SLCO2B1: variants seen among roughly 807,000 people sequenced by gnomAD.
SLCO2B1 encodes the protein OATP-RP2.
A neutral mutation model predicts 67.3 loss-of-function variants in SLCO2B1; 41 were observed. The ratio of observed to expected loss-of-function variants is 0.61; its 90% CI spans 0.47 to 0.79. The LOEUF (loss-of-function observed/expected upper bound fraction) is 0.79. Ranked by LOEUF, SLCO2B1 falls within the 30% of genes least tolerant of loss-of-function variation. The probability of loss-of-function intolerance (pLI) is 0.00; values close to 1 mark genes in which losing one functional copy is unlikely to be tolerated. For synonymous variants in SLCO2B1, 379 were observed against 381.4 expected (o/e 0.99, Z 0.07); for missense variants, 837 against 920.1 (o/e 0.91, Z 1.17).
At chr11:75,197,107 A>T (rs1945112140) in intron 10 of SLCO2B1, among the ~76,000 whole-genome samples, 1 of 152,028 alleles carries the variant, frequency 6.6e-6, no homozygotes, top group Non-Finnish European at 1.5e-5. Flanking sequence ...CAAGAGTGAA[A>T]CTCCATCTCA....
rs142840122 is a variant in SLCO2B1, at chr11:75,188,016, G to A, written c.973-120G>A. ...AACACTGCAGGCCTCAATTGCTCCT[G>A]AAGAGATGACAGGGCTCTCACCCTC... On this transcript the variant is annotated intron_variant, in intron 7 of 13. Coordinates refer to ENST00000289575, the MANE Select transcript of SLCO2B1 (RefSeq NM_007256.5). 2.3e-5 allele frequency: 15 copies of A among 642,162 alleles called. No homozygotes were observed. The East Asian group carries it at 4.1e-4, about 18-fold the overall frequency. 39.8% of individuals were successfully genotyped at this position (642,162 alleles called of 1,614,324 possible).
intron 1 of SLCO2B1, chr11:75,151,838 C>T (rs2712809): frequency 0.48 from 84,317 of 173,896 alleles, 23,133 homozygotes; most frequent in Non-Finnish European, 0.62. Context: ...CAGGTATCAG[C>T]GAGAGAATGC....
intron 8 of SLCO2B1, among the ~76,000 whole-genome samples, chr11:75,189,776 G>A (rs1376205651): frequency 1.3e-5 from 2 of 151,938 alleles, no homozygotes; most frequent in Non-Finnish European, 2.9e-5. Flanking sequence ...AGGAGACCCT[G>A]CCTCTAAAAA....
At position 75,175,996 on chromosome 11, in the gene SLCO2B1, G is replaced by A. The variant is rs960396695; in HGVS notation, c.972+3427G>A. On this transcript the variant is annotated intron_variant, in intron 7 of 13. Coordinates refer to ENST00000289575, the MANE Select transcript of SLCO2B1 (RefSeq NM_007256.5). ...CCTTTGGCTCTGTCCCTGTATCTGC[G>A]GCCTCAGAGCTCAGGTGCTACCAAG... Among the ~76,000 whole-genome samples, 3 of 152,104 alleles carry A rather than the reference G, an allele frequency of 2.0e-5. No individual in the cohort carries two copies. The South Asian group carries it at 6.2e-4, about 32-fold the overall frequency.
intron 12 of SLCO2B1, 40 bp from the exon 13 acceptor site, chr11:75,203,267 C>G: frequency 6.2e-7 from 1 of 1,605,590 alleles, no homozygotes; most frequent in Non-Finnish European, 8.5e-7. Flanking sequence ...CAGGGTAGGA[C>G]GGTGGGCCTT....
rs533908035 is a variant in SLCO2B1 at position 75,177,305 on chromosome 11, C to G, written c.972+4736C>G. Among the ~76,000 whole-genome samples, 4 of 152,336 alleles carry G rather than the reference C, an allele frequency of 2.6e-5. No individual in the cohort carries two copies. In the South Asian group the frequency reaches 8.3e-4, roughly 32 times the overall value. On this transcript the variant is annotated intron_variant, in intron 7 of 13. Coordinates refer to ENST00000289575, the MANE Select transcript of SLCO2B1 (RefSeq NM_007256.5). Reference sequence around the variant, plus strand: ...AAAGGGTTCTGTTCCTAAAAACCAGCTGAGCTAGTCCAATACTGCCATTTG... The same window carrying G: ...AAAGGGTTCTGTTCCTAAAAACCAGGTGAGCTAGTCCAATACTGCCATTTG...
chr11:75,175,592 C>T lies in SLCO2B1; in HGVS notation c.972+3023C>T, dbSNP rs149809517. 1.7e-3 allele frequency among the ~76,000 whole-genome samples: 258 copies of T among 152,078 alleles called. 1 individual carries two copies. The highest frequency in any genetic ancestry group is 5.8e-3 in the African/African-American group (240 of 41,500). ...TTGTAATACAAGAATTATGTGCCCC[C>T]GAGAAGGTTTCTGGCCTCAGTGTCT... On this transcript the variant is annotated intron_variant, in intron 7 of 13. Transcript: ENST00000289575.
In SLCO2B1 at chr11:75,203,311, G is replaced by A; in HGVS notation, c.1833G>A (p.Trp611Ter). Residue 611 changes from tryptophan (W) to a stop codon, truncating the protein, a stop_gained, in exon 13 of 14, where the codon TGG becomes TGA. Coordinates refer to ENST00000289575, the MANE Select transcript of SLCO2B1 (RefSeq NM_007256.5). LOFTEE classifies it high-confidence loss of function. ...CCTGAGCACCACCTCCCTCAGCCTG[G>A]ATGCCCAGCCCCGTGATCCACGGCA... The part of the protein sequence containing the change: ...IQFMFLRILA[W>*]MPSPVIHGSA... 1 of 1,613,520 alleles carries A rather than the reference G, an allele frequency of 6.2e-7. No individual in the cohort carries two copies. The highest frequency in any genetic ancestry group is 8.5e-7 in the Non-Finnish European group (1 of 1,179,996).
chr11:75,200,108 C>T (rs1471647514), intron 10 of SLCO2B1, 116 bp from the exon 11 acceptor site: 4 of 1,114,044 alleles, frequency 3.6e-6, no homozygotes, highest in Non-Finnish European at 5.1e-6. Flanking sequence ...CCAGCCAGCT[C>T]TACCCCAACT....
chr11:75,196,300 C>T (rs1945095497), intron 9 of SLCO2B1: 1 of 565,510 alleles, frequency 1.8e-6, no homozygotes, highest in Non-Finnish European at 3.1e-6. Flanking sequence ...AGCTCAAAGG[C>T]TTGTAGGATT....
At position 75,200,151 on chromosome 11, in the gene SLCO2B1, C is replaced by T. The variant is rs901635451; in HGVS notation, c.1600-73C>T. 13 of 1,488,092 alleles carry T rather than the reference C, an allele frequency of 8.7e-6. 1 individual carries two copies. The highest frequency in any genetic ancestry group is 1.2e-5 in the Non-Finnish European group (13 of 1,099,062). 92.2% of individuals were successfully genotyped at this position (1,488,092 alleles called of 1,614,324 possible). A position where few individuals can be genotyped will look rare whatever the true frequency, so the allele number is the denominator to read the frequency against. On this transcript the variant is annotated intron_variant, in intron 10 of 13. Transcript: ENST00000289575. The stretch of plus-strand genomic sequence containing the variant: ...GAACTTGGGCCTCTCACAAGCCTTC[C>T]CCGCTGCAAGCCCTTGGCCAGCTGC...
Position 75,205,071 on chromosome 11 carries a change from C to T in SLCO2B1, c.*491C>T, listed in dbSNP as rs1945250015. The T allele has an allele frequency of 6.5e-6, 1 of 152,734 alleles. No homozygotes were observed. Among genetic ancestry groups the T allele is most frequent in the African/African-American group, 2.4e-5 (1 of 41,486 alleles). The allele number at this position is 152,734 out of a possible 1,614,324, so 9.5% of individuals were successfully genotyped here. A position where few individuals can be genotyped will look rare whatever the true frequency, so the allele number is the denominator to read the frequency against. ...ACCATCTGTGCGGTCAGGGTACACT[C>T]AGCTCTCCTCCCCAACTCCAGCAGC... On this transcript the variant is annotated 3_prime_UTR_variant, in exon 14 of 14. Coordinates refer to ENST00000289575, the MANE Select transcript of SLCO2B1 (RefSeq NM_007256.5).
At chr11:75,159,985 G>T (rs1266476761) in intron 1 of SLCO2B1, 1 of 422,598 alleles carries the variant, frequency 2.4e-6, no homozygotes, top group East Asian at 1.6e-4. Flanking sequence ...CAGCAAGGAT[G>T]CCACCAGTAT....
intron 13 of SLCO2B1, chr11:75,203,935 G>A (rs572617533): frequency 1.3e-4 from 21 of 165,314 alleles, no homozygotes; most frequent in Non-Finnish European, 2.3e-4. Flanking sequence ...GGACTTGCTA[G>A]CAGGGCTGGG....
At chr11:75,198,101 G>T (rs1347492422) in intron 10 of SLCO2B1, among the ~76,000 whole-genome samples, 1 of 152,342 alleles carries the variant, frequency 6.6e-6, no homozygotes, top group South Asian at 2.1e-4. Context: ...GGCTGCACTG[G>T]CTGGTGCAGA....
rs1286382692 is a variant in SLCO2B1 at position 75,205,319 on chromosome 11, T to C, written c.*739T>C. The C allele has an allele frequency of 6.6e-6, 1 of 152,238 alleles. No homozygotes were observed. The highest frequency in any genetic ancestry group is 1.5e-5 in the Non-Finnish European group (1 of 68,040). The allele number at this position is 152,238 out of a possible 1,614,324, so 9.4% of individuals were successfully genotyped here. A position where few individuals can be genotyped will look rare whatever the true frequency, so the allele number is the denominator to read the frequency against. On this transcript the variant is annotated 3_prime_UTR_variant, in exon 14 of 14. Transcript: ENST00000289575. ...GCCCTTGCCCTCAGGGAGCCACGGTTGAGGGTGAGGCCCAACACCTGCCTT... is the reference window on the plus strand; with the variant it reads ...GCCCTTGCCCTCAGGGAGCCACGGTCGAGGGTGAGGCCCAACACCTGCCTT...
intron 7 of SLCO2B1, among the ~76,000 whole-genome samples, chr11:75,186,358 G>C (rs1425973636): frequency 6.6e-6 from 1 of 151,944 alleles, no homozygotes; most frequent in Non-Finnish European, 1.5e-5. Flanking sequence ...ACAGGCATGA[G>C]CCACCATGCC....
Position 75,164,062 on chromosome 11 carries a change from T to C in SLCO2B1, c.247T>C (p.Ser83Pro). 6.2e-7 allele frequency: 1 copy of C among 1,608,766 alleles called. No homozygotes were observed. Among genetic ancestry groups the C allele is most frequent in the Non-Finnish European group, 8.5e-7 (1 of 1,177,790 alleles). The change falls in exon 3 of 14, where the codon TCC (serine) becomes CCC (proline). Residue 83 changes from serine (S) to proline (P), a missense_variant. Transcript: ENST00000289575. ...ISTVEKRFGL[S>P]SQTSGLLASF... Reference sequence around the variant, plus strand: ...CACAGTGGAGAAGCGCTTCGGCCTCTCCAGCCAGACGTCGGGGCTGCTGGC... The same window carrying C: ...CACAGTGGAGAAGCGCTTCGGCCTCCCCAGCCAGACGTCGGGGCTGCTGGC...
intron 9 of SLCO2B1, among the ~76,000 whole-genome samples, chr11:75,195,374 C>G (rs546570171): frequency 1.8e-4 from 27 of 152,266 alleles, no homozygotes; most frequent in African/African-American, 6.5e-4. Context: ...CACCCCCACC[C>G]CGAGGGAGAT....
Sources: gnomAD v4.1 joint callset for allele counts (sites outside exome capture counted in the v4.1 genomes callset) on GRCh38, gnomAD v4.1.1 for gene constraint, MANE v1.5 for transcripts, NCBI Gene and HGNC (gene_info 2026-07-23, HGNC 2026-07-21) for gene names.